DDAH1: variants seen among roughly 807,000 people sequenced by gnomAD.
DDAH1 encodes the protein N(G),N(G)-dimethylarginine dimethylaminohydrolase 1.
In DDAH1, 19 loss-of-function variants were observed where a neutral mutation model predicts 28.8. That is an observed-to-expected ratio of 0.66 (90% CI 0.46 to 0.97). The LOEUF (loss-of-function observed/expected upper bound fraction) is 0.97. Ranked by LOEUF, DDAH1 falls within the 50% of genes least tolerant of loss-of-function variation. The probability of loss-of-function intolerance (pLI) is 0.00; values close to 1 mark genes in which losing one functional copy is unlikely to be tolerated. For synonymous variants in DDAH1, 153 were observed against 154.4 expected (o/e 0.99, Z 0.07); for missense variants, 326 against 375.9 (o/e 0.87, Z 1.10).
chr1:85,531,256 C>T (rs1658082310), intron 1 of DDAH1, among the ~76,000 whole-genome samples: 1 of 151,998 alleles, frequency 6.6e-6, no homozygotes, highest in Non-Finnish European at 1.5e-5. Flanking sequence ...CCTAAACATA[C>T]TACACATTTA....
chr1:85,471,008 T>C (rs548174107), intron 2 of DDAH1, among the ~76,000 whole-genome samples: 1 of 152,334 alleles, frequency 6.6e-6, no homozygotes, highest in East Asian at 1.9e-4. Context: ...TTCACCATTT[T>C]CTGTCTTGCT....
chr1:85,401,030 A>G (rs1652077950), intron 1 of DDAH1, among the ~76,000 whole-genome samples: 1 of 152,226 alleles, frequency 6.6e-6, no homozygotes, highest in South Asian at 2.1e-4. Context: ...AAGACATTGT[A>G]GGCAAATGTC....
chr1:85,439,184 G>A (rs1156925127), intron 1 of DDAH1, among the ~76,000 whole-genome samples: 1 of 152,116 alleles, frequency 6.6e-6, no homozygotes, highest in Non-Finnish European at 1.5e-5. Flanking sequence ...AGCAGGGGTG[G>A]AATATGAATG....
chr1:85,450,849 T>A (rs1654639194), intron 1 of DDAH1, among the ~76,000 whole-genome samples: 1 of 152,210 alleles, frequency 6.6e-6, no homozygotes, highest in Non-Finnish European at 1.5e-5. Context: ...TGAATTCAAA[T>A]GCTAATATAT....
rs1353051507 is a variant in DDAH1 at position 85,320,543 on chromosome 1, G to A, written c.*909C>T. ...GAAAAAAAAAAAAGAGTTCCTCCAA[G>A]GTCATATATGGTCAGTAATGAAGCA... On this transcript the variant is annotated 3_prime_UTR_variant, in exon 6 of 6. Coordinates refer to ENST00000284031, the MANE Select transcript of DDAH1 (RefSeq NM_012137.4). 6.6e-6 allele frequency: 1 copy of A among 152,068 alleles called. No individual in the cohort carries two copies. Among genetic ancestry groups the A allele is most frequent in the Non-Finnish European group, 1.5e-5 (1 of 68,030 alleles). The allele number at this position is 152,068 out of a possible 1,614,324, so 9.4% of individuals were successfully genotyped here. A position where few individuals can be genotyped will look rare whatever the true frequency, so the allele number is the denominator to read the frequency against.
intron 1 of DDAH1, among the ~76,000 whole-genome samples, chr1:85,385,224 A>G (rs1463869749): frequency 6.6e-6 from 1 of 152,238 alleles, no homozygotes; most frequent in East Asian, 1.9e-4. Context: ...CACAGAGTAA[A>G]GCAGCTGGAA....
At chr1:85,472,524 C>G (rs192243100) in intron 2 of DDAH1, among the ~76,000 whole-genome samples, 1 of 152,118 alleles carries the variant, frequency 6.6e-6, no homozygotes, top group South Asian at 2.1e-4. Flanking sequence ...GTCCCCACAC[C>G]GCTCTTATGC....
intron 1 of DDAH1, among the ~76,000 whole-genome samples, chr1:85,560,427 C>T (rs1455311941): frequency 1.3e-5 from 2 of 152,084 alleles, no homozygotes; most frequent in East Asian, 3.9e-4. Flanking sequence ...ATATGAAATA[C>T]TTTCTTTAAA....
chr1:85,542,876 A>G (rs1658512503), intron 1 of DDAH1, among the ~76,000 whole-genome samples: 3 of 152,214 alleles, frequency 2.0e-5, no homozygotes, highest in African/African-American at 7.2e-5. Flanking sequence ...GATTTCACAA[A>G]AATTTGTACA....
At chr1:85,397,367 C>G (rs560006768) in intron 1 of DDAH1, among the ~76,000 whole-genome samples, 1 of 152,210 alleles carries the variant, frequency 6.6e-6, no homozygotes, top group Admixed American at 6.5e-5. Context: ...TTGTAGAACT[C>G]TAAGAAAGAA....
At chr1:85,356,408 T>C (rs950786934) in intron 2 of DDAH1, among the ~76,000 whole-genome samples, 3 of 152,180 alleles carry the variant, frequency 2.0e-5, no homozygotes, top group African/African-American at 4.8e-5. Context: ...ATAGAGCACA[T>C]AGAAAATGTT....
chr1:85,324,806 T>G lies in DDAH1; in HGVS notation c.675A>C (p.Leu225=). 1 of 1,614,110 alleles carries G rather than the reference T, an allele frequency of 6.2e-7. No homozygotes were observed. Among genetic ancestry groups the G allele is most frequent in the Non-Finnish European group, 8.5e-7 (1 of 1,180,014 alleles). Residue 225 remains leucine, a synonymous_variant, in exon 5 of 6, where the codon CTA becomes CTC. Transcript: ENST00000284031. ...AGACGTGCCCTTTGTTGGGGATATTTAGATATATACAGTTTGCTGCTATGT... is the reference window on the plus strand; with the variant it reads ...AGACGTGCCCTTTGTTGGGGATATTGAGATATATACAGTTTGCTGCTATGT... The part of the protein sequence containing the change: ...PDDIAANCIY[L]NIPNKGHVLL...
intron 1 of DDAH1, among the ~76,000 whole-genome samples, chr1:85,524,626 G>C (rs562100838): frequency 1.6e-4 from 24 of 152,178 alleles, no homozygotes; most frequent in African/African-American, 5.8e-4. Flanking sequence ...TAATCATCTT[G>C]CCTGCAACTC....
At chr1:85,463,531 C>A (rs527762) in intron 1 of DDAH1, among the ~76,000 whole-genome samples, 104,721 of 152,056 alleles carry the variant, frequency 0.69, 36,216 homozygotes, top group East Asian at 0.81. Context: ...AAAGGGCTAG[C>A]AGAGATCTGT....
intron 1 of DDAH1, among the ~76,000 whole-genome samples, chr1:85,555,838 G>A (rs958864630): frequency 6.6e-6 from 1 of 152,136 alleles, no homozygotes; most frequent in African/African-American, 2.4e-5. Context: ...GGTCTTCCTT[G>A]CAATAGTAGC....
chr1:85,464,689 G>A lies in DDAH1; in HGVS notation c.303+54C>T. 5 of 1,428,008 alleles carry A rather than the reference G, an allele frequency of 3.5e-6. No individual in the cohort carries two copies. The highest frequency in any genetic ancestry group is 1.5e-5 in the South Asian group (1 of 67,028). 88.5% of individuals were successfully genotyped at this position (1,428,008 alleles called of 1,614,324 possible). ...CTCCCCAGGCAACACGGCGGCCGGC[G>A]GCGGGGGAGGGCCTGGCGCGCGCCC... On this transcript the variant is annotated intron_variant, in intron 1 of 5. Coordinates refer to ENST00000284031, the MANE Select transcript of DDAH1 (RefSeq NM_012137.4). This position sits in a 1 kb window ranked among gnomAD's most constrained non-coding sequence, Gnocchi z 4.4.
At chr1:85,405,901 A>G (rs1652382872) in intron 1 of DDAH1, among the ~76,000 whole-genome samples, 1 of 152,224 alleles carries the variant, frequency 6.6e-6, no homozygotes, top group Non-Finnish European at 1.5e-5. Context: ...AATTAGAAGT[A>G]AAACCTAACA....
intron 4 of DDAH1, among the ~76,000 whole-genome samples, chr1:85,349,972 T>G (rs1242870046): frequency 1.3e-5 from 2 of 152,212 alleles, no homozygotes; most frequent in East Asian, 3.8e-4. Flanking sequence ...TTTAGGTACT[T>G]CTGAACCATG....
chr1:85,566,294 C>T (rs1659297760), intron 1 of DDAH1, among the ~76,000 whole-genome samples: 1 of 151,306 alleles, frequency 6.6e-6, no homozygotes, highest in Admixed American at 6.6e-5. Flanking sequence ...TTGCTCCAGC[C>T]CAGGAGTTCA....
Sources: allele counts gnomAD v4.1 joint callset (sites outside exome capture counted in the v4.1 genomes callset), GRCh38; gene constraint gnomAD v4.1.1; non-coding constraint Gnocchi (gnomAD v3.1); transcripts MANE v1.5; gene names NCBI Gene and HGNC (gene_info 2026-07-23, HGNC 2026-07-21).